The following LUC7L3 variants were observed in gnomAD, a reference collection of about 807,000 sequenced individuals.
LUC7L3 encodes the protein LUC7 like 3 pre-mRNA splicing factor.
A neutral mutation model predicts 66.8 loss-of-function variants in LUC7L3; 6 were observed. The observed-to-expected ratio is 0.09, with a 90% CI of 0.05 to 0.18. The LOEUF is 0.18. LUC7L3 is among the 10% of genes least tolerant of loss of function. The pLI, the probability that LUC7L3 is intolerant of heterozygous loss-of-function variation, is 1.00. For synonymous variants in LUC7L3, 160 were observed against 174.7 expected, an observed-to-expected ratio of 0.92 and a Z score of 0.66; for missense variants, 341 against 531.1, an observed-to-expected ratio of 0.64 and a Z score of 3.52.
At position 50,753,101 on chromosome 17, in the gene LUC7L3, A is replaced by T. The variant is rs1299389309; in HGVS notation, c.*2440A>T. The T allele has an allele frequency of 6.6e-6, 1 of 152,148 alleles. No individual in the cohort carries two copies. The highest frequency in any genetic ancestry group is 1.9e-4 in the East Asian group (1 of 5,194). The allele number at this position is 152,148 out of a possible 1,614,324, so 9.4% of individuals were successfully genotyped here. ...TATAGGGTGTGTAGTATATATGGCA[A>T]GGGTTTTTTCCCCCCACTTAAGTGA... On this transcript the variant is annotated 3_prime_UTR_variant, in exon 10 of 10. Coordinates refer to ENST00000505658, the MANE Select transcript of LUC7L3 (RefSeq NM_016424.5).
intron 1 of LUC7L3, among the ~76,000 whole-genome samples, chr17:50,733,007 TC>T (rs1350899750): frequency 2.0e-5 from 3 of 152,232 alleles, no homozygotes; most frequent in African/African-American, 4.8e-5. Context: ...ATGTGTTTAT[TC>T]GTTTTTTTGT....
At chr17:50,733,551 G>A (rs1969776503) in intron 1 of LUC7L3, among the ~76,000 whole-genome samples, 1 of 152,084 alleles carries the variant, frequency 6.6e-6, no homozygotes, top group East Asian at 1.9e-4. Context: ...ACAGGCGGCC[G>A]CTACCACGCC....
chr17:50,724,600 C>G (rs1969031304), intron 1 of LUC7L3, among the ~76,000 whole-genome samples: 1 of 124,578 alleles, frequency 8.0e-6, no homozygotes. Flanking sequence ...TCTTTGGTTG[C>G]TTTAGGAAAA....
intron 1 of LUC7L3, among the ~76,000 whole-genome samples, chr17:50,735,299 T>C (rs1019332958): frequency 2.0e-5 from 3 of 151,828 alleles, no homozygotes; most frequent in Admixed American, 6.6e-5. Flanking sequence ...TATTTAGATA[T>C]GTTTTATGAC....
intron 1 of LUC7L3, among the ~76,000 whole-genome samples, chr17:50,727,006 T>C (rs1171704646): frequency 1.3e-5 from 2 of 152,110 alleles, no homozygotes; most frequent in African/African-American, 4.8e-5. Flanking sequence ...GGAGAATTTC[T>C]TGAACCCGGG....
rs1477267494 is a variant in LUC7L3, at chr17:50,755,273, T to C, written c.*4612T>C. 1.3e-5 allele frequency: 2 copies of C among 152,180 alleles called. No homozygotes were observed. Among genetic ancestry groups the C allele is most frequent in the Non-Finnish European group, 2.9e-5 (2 of 68,018 alleles). 9.4% of individuals were successfully genotyped at this position (152,180 alleles called of 1,614,324 possible). Reference sequence around the variant, plus strand: ...TGCAGGAGCTTGCTGCTGTTAACAGTTATTCTTCCAAGTTGTTTTCTTTGT... The same window carrying C: ...TGCAGGAGCTTGCTGCTGTTAACAGCTATTCTTCCAAGTTGTTTTCTTTGT... On this transcript the variant is annotated 3_prime_UTR_variant, in exon 10 of 10. Coordinates refer to ENST00000505658, the MANE Select transcript of LUC7L3 (RefSeq NM_016424.5).
intron 1 of LUC7L3, among the ~76,000 whole-genome samples, chr17:50,728,415 A>T (rs1378303313): frequency 6.6e-6 from 1 of 152,210 alleles, no homozygotes; most frequent in Non-Finnish European, 1.5e-5. Context: ...ATTAAAAATT[A>T]TTTCTTTGGG....
At chr17:50,719,889 G>T in intron 1 of LUC7L3, 58 bp downstream of exon 1, 5 of 1,498,938 alleles carry the variant, frequency 3.3e-6, no homozygotes, top group Non-Finnish European at 4.5e-6. Flanking sequence ...GAGCGGGCGC[G>T]GGCTGTGGCC....
intron 1 of LUC7L3, among the ~76,000 whole-genome samples, chr17:50,731,020 A>C (rs1351797581): frequency 6.6e-6 from 1 of 150,494 alleles, no homozygotes; most frequent in Non-Finnish European, 1.5e-5. Flanking sequence ...AGGATAAGTT[A>C]TGATTATGTA....
intron 2 of LUC7L3, chr17:50,737,229 A>G (rs960372640): frequency 4.6e-6 from 3 of 655,566 alleles, no homozygotes; most frequent in Non-Finnish European, 5.5e-6. Flanking sequence ...AATTAAACAT[A>G]CATGTCTATT....
intron 4 of LUC7L3, 28 bp from the exon 5 acceptor site, chr17:50,741,629 T>C: frequency 6.7e-7 from 1 of 1,488,262 alleles, no homozygotes. Flanking sequence ...TTCAACTTGT[T>C]GGTAATACGT....
In LUC7L3 at chr17:50,740,309, C is replaced by T. The variant is rs1283827257; in HGVS notation, c.170C>T (p.Pro57Leu). The T allele has an allele frequency of 3.7e-6, 6 of 1,603,822 alleles. No homozygotes were observed. The African/African-American group carries it at 4.0e-5, about 11-fold the overall frequency. The change falls in exon 3 of 10, where the codon CCG becomes CTG. Residue 57 changes from proline to leucine, a missense_variant. Pro to Leu is a moderately conservative substitution (Grantham distance 98). Transcript: ENST00000505658. ...LFTNTRSDLG[P>L]CEKIHDENLR... ...ACAATTATATTTTTTCCCCCAGGTC[C>T]GTGTGAAAAAATTCATGATGAAAAT...
In LUC7L3 at chr17:50,745,764, T is replaced by C. The variant is rs1189870436; in HGVS notation, c.738T>C (p.Arg246=). The C allele has an allele frequency of 6.3e-7, 1 of 1,593,354 alleles. No homozygotes were observed. The highest frequency in any genetic ancestry group is 8.5e-7 in the Non-Finnish European group (1 of 1,174,780). ...KRTEEPDRDE[R]LKKEKQEREE... is the part of the protein sequence containing the mutation. ...CCGAAGAACCTGATCGTGATGAGCG[T>C]CTAAAAAAGGAGAAGCAAGAAAGAG... The change falls in exon 8 of 10, where the codon CGT becomes CGC. Residue 246 remains arginine (R), a synonymous_variant. Transcript: ENST00000505658.
At position 50,743,773 on chromosome 17, in the gene LUC7L3, TAAAAG is replaced by T; in HGVS notation, c.497_501del (p.Lys166ArgfsTer13). The T allele has an allele frequency of 6.2e-7, 1 of 1,613,854 alleles. No individual in the cohort carries two copies. Among genetic ancestry groups the T allele is most frequent in the Non-Finnish European group, 8.5e-7 (1 of 1,179,844 alleles). On this transcript the variant is annotated frameshift_variant, in exon 6 of 10. Coordinates refer to ENST00000505658, the MANE Select transcript of LUC7L3 (RefSeq NM_016424.5). LOFTEE classifies it high-confidence loss of function. ...GGGATGATGAAATTAGTTGAGCAAT[TAAAAG>T]AAGAGAGAGAACTGCTAAGGTCCAC...
intron 1 of LUC7L3, among the ~76,000 whole-genome samples, chr17:50,724,611 TTGTGTG>T (rs58361696): frequency 0.33 from 47,884 of 147,128 alleles, 7,772 homozygotes; most frequent in South Asian, 0.38. Flanking sequence ...TTTAGGAAAA[TTGTGTG>T]TGTGTGTGTG....
chr17:50,725,931 A>C (rs1310624716), intron 1 of LUC7L3, among the ~76,000 whole-genome samples: 1 of 152,200 alleles, frequency 6.6e-6, no homozygotes, highest in Admixed American at 6.5e-5. Context: ...TAACTGCATA[A>C]AATTAACTAT....
rs71149308 is a variant in LUC7L3, at chr17:50,756,213, G to GAA, written c.*5557_*5558dup. 1 of 151,980 alleles carries GAA rather than the reference G, an allele frequency of 6.6e-6. No homozygotes were observed. The allele number at this position is 151,980 out of a possible 1,614,324, so 9.4% of individuals were successfully genotyped here. ...TAATAAAATTTAAAAAGAAGAATGG[G>GAA]AAAAAAGTCTTGGTGTAGGTAGTTA... On this transcript the variant is annotated 3_prime_UTR_variant, in exon 10 of 10. Coordinates refer to ENST00000505658, the MANE Select transcript of LUC7L3 (RefSeq NM_016424.5).
rs1323570380 is a variant in LUC7L3 at position 50,741,728 on chromosome 17, A to G, written c.423A>G (p.Gln141=). The G allele has an allele frequency of 2.5e-6, 4 of 1,612,188 alleles. No homozygotes were observed. The highest frequency in any genetic ancestry group is 3.4e-6 in the Non-Finnish European group (4 of 1,178,456). The change falls in exon 5 of 10, where the codon CAA becomes CAG. Residue 141 remains glutamine, a synonymous_variant. Coordinates refer to ENST00000505658, the MANE Select transcript of LUC7L3 (RefSeq NM_016424.5). ...CAGACAAAATTGATGTACTTCTGCA[A>G]CAGGTGAGAATTGTGTGCATTAATG... The part of the protein sequence containing the change: ...VLTDKIDVLL[Q]QIEELGSEGK...
At chr17:50,724,973 C>G (rs1969076799) in intron 1 of LUC7L3, among the ~76,000 whole-genome samples, 1 of 152,004 alleles carries the variant, frequency 6.6e-6, no homozygotes, top group African/African-American at 2.4e-5. Context: ...GTTTGCCGGG[C>G]TGGTCTTGAA....
Sources: gnomAD v4.1 joint callset for allele counts (sites outside exome capture counted in the v4.1 genomes callset) on GRCh38, gnomAD v4.1.1 for gene constraint, MANE v1.5 for transcripts, NCBI Gene and HGNC (gene_info 2026-07-23, HGNC 2026-07-21) for gene names.